The following F13A1 variants were observed in gnomAD, a reference collection of about 807,000 sequenced individuals.
F13A1 encodes the protein FSF, A subunit.
F13A1 carries 47 observed loss-of-function variants against 80.1 expected under a neutral mutation model. The observed-to-expected ratio is 0.59, with a 90% CI of 0.46 to 0.75. The LOEUF (loss-of-function observed/expected upper bound fraction) is 0.75, where lower values mean the gene tolerates loss of function less well. F13A1 is among the 30% of genes least tolerant of loss of function. The pLI, the probability that F13A1 is intolerant of heterozygous loss-of-function variation, is 0.00. For synonymous variants in F13A1, 349 were observed against 344.9 expected, an observed-to-expected ratio of 1.01 and a Z score of -0.13; for missense variants, 817 against 930.4, an observed-to-expected ratio of 0.88 and a Z score of 1.59.
At chr6:6,266,857 A>AT in intron 3 of F13A1, 48 bp from the exon 4 acceptor site, 5 of 1,613,614 alleles carry the variant, frequency 3.1e-6, no homozygotes, top group Non-Finnish European at 4.2e-6. Flanking sequence ...TTCACAAGCC[A>AT]TTTTTGTTCT....
chr6:6,315,845 A>T (rs1758672612), intron 2 of F13A1, among the ~76,000 whole-genome samples: 3 of 151,842 alleles, frequency 2.0e-5, no homozygotes, highest in South Asian at 4.2e-4. Flanking sequence ...GGCCTCTTAG[A>T]GGCCACTAGT....
At chr6:6,304,056 A>G (rs1008422085) in intron 3 of F13A1, among the ~76,000 whole-genome samples, 2 of 152,160 alleles carry the variant, frequency 1.3e-5, no homozygotes, top group Admixed American at 6.5e-5. Flanking sequence ...TATCTCTTAC[A>G]TTGTTCATTT....
At chr6:6,160,686 C>G (rs1396563260) in intron 13 of F13A1, among the ~76,000 whole-genome samples, 1 of 152,108 alleles carries the variant, frequency 6.6e-6, no homozygotes, top group Non-Finnish European at 1.5e-5. Flanking sequence ...AATTTATTTA[C>G]AGAGTGGGCA....
chr6:6,195,518 C>A (rs1426560029), intron 10 of F13A1, among the ~76,000 whole-genome samples: 1 of 152,172 alleles, frequency 6.6e-6, no homozygotes, highest in African/African-American at 2.4e-5. Flanking sequence ...TTCTCTGGAG[C>A]AGTTGATACT....
At chr6:6,197,676 CAA>C (rs11343875) in intron 8 of F13A1, among the ~76,000 whole-genome samples, 27,120 of 137,628 alleles carry the variant, frequency 0.2, 2,646 homozygotes, top group African/African-American at 0.24. Context: ...GACTCCATCT[CAA>C]AAAAAAAAAA....
intron 11 of F13A1, among the ~76,000 whole-genome samples, chr6:6,180,554 TA>T (rs1403034965): frequency 6.6e-6 from 1 of 152,236 alleles, no homozygotes; most frequent in African/African-American, 2.4e-5. Flanking sequence ...TTTTTGCTTA[TA>T]ACTCTACAGT....
At position 6,250,397 on chromosome 6, in the gene F13A1, C is replaced by T. The variant is rs1001635735; in HGVS notation, c.690+414G>A. On this transcript the variant is annotated intron_variant, in intron 5 of 14. Coordinates refer to ENST00000264870, the MANE Select transcript of F13A1 (RefSeq NM_000129.4). This position sits in a 1 kb window ranked among gnomAD's most constrained non-coding sequence, Gnocchi z 4.2. ...AACACTCTTTTCTAATTAGCAGTACCCTAGGCTAACACTTAAAAAAAAAAA... is the reference window on the plus strand; with the variant it reads ...AACACTCTTTTCTAATTAGCAGTACTCTAGGCTAACACTTAAAAAAAAAAA... 2.1e-4 allele frequency among the ~76,000 whole-genome samples: 31 copies of T among 147,206 alleles called. 3 individuals are homozygous for T. The highest frequency in any genetic ancestry group is 1.8e-3 in the Admixed American group (26 of 14,684).
chr6:6,313,676 A>G (rs62408040), intron 2 of F13A1, among the ~76,000 whole-genome samples: 7 of 14,836 alleles, frequency 4.7e-4, no homozygotes, highest in African/African-American at 4.2e-3. Context: ...TGAGAAACTG[A>G]TTTATTTAAA....
In F13A1 at chr6:6,174,773, G is replaced by C; in HGVS notation, c.1554C>G (p.Asn518Lys). ...NTEGVMKSRS[N>K]VDMDFEVENA... ...TTTCCACTTCAAAGTCCATGTCAAC[G>C]TTGGACCTTGATTTCATGACACCTT... is the stretch of plus-strand genomic sequence containing the variant. The change falls in exon 12 of 15, where the codon AAC becomes AAG. Residue 518 changes from asparagine to lysine, a missense_variant. Coordinates refer to ENST00000264870, the MANE Select transcript of F13A1 (RefSeq NM_000129.4). The C allele has an allele frequency of 6.2e-7, 1 of 1,614,178 alleles. No individual in the cohort carries two copies. The highest frequency in any genetic ancestry group is 8.5e-7 in the Non-Finnish European group (1 of 1,180,030).
At chr6:6,172,340 T>C (rs1760790919) in intron 12 of F13A1, among the ~76,000 whole-genome samples, 1 of 152,204 alleles carries the variant, frequency 6.6e-6, no homozygotes, top group South Asian at 2.1e-4. Context: ...CCATGACTGT[T>C]GTCCTCTTCA....
intron 3 of F13A1, among the ~76,000 whole-genome samples, chr6:6,269,414 C>G (rs1561674055): frequency 6.6e-6 from 1 of 151,930 alleles, no homozygotes; most frequent in Admixed American, 6.6e-5. Context: ...AAGCCCAAAT[C>G]TATTTCAAAG....
intron 3 of F13A1, among the ~76,000 whole-genome samples, chr6:6,281,098 G>A (rs1445784084): frequency 6.6e-6 from 1 of 152,150 alleles, no homozygotes; most frequent in Non-Finnish European, 1.5e-5. Flanking sequence ...TAAGGGAACT[G>A]GTCTCAGCTA....
chr6:6,168,909 C>A (rs1338375238), intron 12 of F13A1, among the ~76,000 whole-genome samples: 1 of 152,212 alleles, frequency 6.6e-6, no homozygotes, highest in South Asian at 2.1e-4. Context: ...TCTGCAGCAG[C>A]TTGCTCTGGA....
At chr6:6,206,976 T>G (rs1490825754) in intron 8 of F13A1, among the ~76,000 whole-genome samples, 1 of 151,840 alleles carries the variant, frequency 6.6e-6, no homozygotes, top group Non-Finnish European at 1.5e-5. Flanking sequence ...TAAGGACTAC[T>G]GGAAATCTGC....
In F13A1 at chr6:6,174,846, G is replaced by A. The variant is rs775327691; in HGVS notation, c.1481C>T (p.Ala494Val). The A allele has an allele frequency of 6.2e-7, 1 of 1,614,132 alleles. No homozygotes were observed. The highest frequency in any genetic ancestry group is 1.1e-5 in the South Asian group (1 of 91,072). The change falls in exon 12 of 15, where the codon GCC becomes GTC. Residue 494 changes from alanine to valine, a missense_variant. By Grantham distance (64) the Ala-to-Val change is moderately conservative (BLOSUM62 0). Coordinates refer to ENST00000264870, the MANE Select transcript of F13A1 (RefSeq NM_000129.4). ...FQEGQEEERL[A>V]LETALMYGAK... Reference sequence around the variant, plus strand: ...TCCGTACATCAGGGCAGTTTCTAGGGCCAATCTCTCTTCTTCTTGACCTGG... The same window carrying A: ...TCCGTACATCAGGGCAGTTTCTAGGACCAATCTCTCTTCTTCTTGACCTGG...
rs559938190 is a variant in F13A1, at chr6:6,297,739, C to G, written c.319+7612G>C. Among the ~76,000 whole-genome samples the G allele has an allele frequency of 3.5e-3, 527 of 149,494 alleles. 3 individuals are homozygous for G. The highest frequency in any genetic ancestry group is 0.014 in the Middle Eastern group (4 of 292). On this transcript the variant is annotated intron_variant, in intron 3 of 14. Coordinates refer to ENST00000264870, the MANE Select transcript of F13A1 (RefSeq NM_000129.4). Reference sequence around the variant, plus strand: ...ATTTTTTGAAGGGTTTTTTGTGTCTCTATTTCCTTCAGTTCTGCTCTGATT... The same window carrying G: ...ATTTTTTGAAGGGTTTTTTGTGTCTGTATTTCCTTCAGTTCTGCTCTGATT...
intron 8 of F13A1, among the ~76,000 whole-genome samples, chr6:6,202,948 T>C (rs960122545): frequency 2.0e-5 from 3 of 152,228 alleles, no homozygotes; most frequent in Non-Finnish European, 4.4e-5. Flanking sequence ...CGTCATAGTT[T>C]ATGTTGTGAT....
chr6:6,250,133 C>T lies in F13A1; in HGVS notation c.690+678G>A, dbSNP rs1369247356. On this transcript the variant is annotated intron_variant, in intron 5 of 14. Coordinates refer to ENST00000264870, the MANE Select transcript of F13A1 (RefSeq NM_000129.4). This position sits in a 1 kb window ranked among gnomAD's most constrained non-coding sequence, Gnocchi z 4.2. ...CAAAACTCCTGAGAAATGACATTCG[C>T]CCCCGCTTGTGTCGCTAATTAAAAA... Among the ~76,000 whole-genome samples the T allele has an allele frequency of 2.0e-5, 3 of 152,188 alleles. No homozygotes were observed. The highest frequency in any genetic ancestry group is 2.0e-4 in the Admixed American group (3 of 15,288).
chr6:6,213,243 T>A (rs1761653237), intron 8 of F13A1, among the ~76,000 whole-genome samples: 1 of 151,344 alleles, frequency 6.6e-6, no homozygotes, highest in African/African-American at 2.4e-5. Flanking sequence ...TCACCAAAGT[T>A]GAAATGAAGG....
Sources: allele counts gnomAD v4.1 joint callset (sites outside exome capture counted in the v4.1 genomes callset), GRCh38; gene constraint gnomAD v4.1.1; non-coding constraint Gnocchi (gnomAD v3.1); transcripts MANE v1.5; gene names NCBI Gene and HGNC (gene_info 2026-07-23, HGNC 2026-07-21).